The following PDLIM5 variants were observed in gnomAD, a reference collection of about 807,000 sequenced individuals.
PDLIM5 encodes PDZ and LIM domain 5.
PDLIM5 carries 34 observed loss-of-function variants against 64.2 expected under a neutral mutation model. That is an observed-to-expected ratio of 0.53 (90% CI 0.40 to 0.71). The LOEUF is 0.71. Ranked by LOEUF, PDLIM5 falls within the 30% of genes least tolerant of loss-of-function variation. The pLI, the probability that PDLIM5 is intolerant of heterozygous loss-of-function variation, is 0.00. For missense variants in PDLIM5, 683 were observed against 733.6 expected (o/e 0.93, Z 0.80); for synonymous variants, 253 against 269.1 (o/e 0.94, Z 0.59).
At chr4:94,550,158 G>A (rs1732686036) in intron 3 of PDLIM5, among the ~76,000 whole-genome samples, 1 of 151,910 alleles carries the variant, frequency 6.6e-6, no homozygotes, top group South Asian at 2.1e-4. Context: ...ATACATTTTT[G>A]TTGTTTGCTC....
At chr4:94,559,227 A>G (rs967949127) in intron 3 of PDLIM5, among the ~76,000 whole-genome samples, 2 of 152,212 alleles carry the variant, frequency 1.3e-5, no homozygotes, top group Non-Finnish European at 2.9e-5. Context: ...AACATAGGCT[A>G]CAGCAAGTAT....
intron 3 of PDLIM5, among the ~76,000 whole-genome samples, chr4:94,559,622 T>C (rs966923870): frequency 4.6e-5 from 7 of 152,186 alleles, no homozygotes; most frequent in Non-Finnish European, 1.0e-4. Flanking sequence ...GCCAAACTCT[T>C]AGATGTTGTG....
intron 11 of PDLIM5, among the ~76,000 whole-genome samples, chr4:94,661,684 C>T (rs918942334): frequency 6.6e-6 from 1 of 152,172 alleles, no homozygotes; most frequent in Non-Finnish European, 1.5e-5. Flanking sequence ...TTGACCAAGT[C>T]AGATACGCTA....
At chr4:94,525,157 G>A (rs1417522912) in intron 3 of PDLIM5, among the ~76,000 whole-genome samples, 5 of 152,062 alleles carry the variant, frequency 3.3e-5, no homozygotes, top group African/African-American at 4.8e-5. Context: ...TGTGGCTCAC[G>A]CCTGTAATCC....
Position 94,575,944 on chromosome 4 carries a change from C to T in PDLIM5, c.620C>T (p.Pro207Leu). Reference sequence around the variant, plus strand: ...ACTGCAGTTAATGTCCCACGGCAGCCCACAGTCACCAGCGTGTGTTCCGAG... The same window carrying T: ...ACTGCAGTTAATGTCCCACGGCAGCTCACAGTCACCAGCGTGTGTTCCGAG... ...GKTAVNVPRQ[P>L]TVTSVCSETS... is the part of the protein sequence containing the mutation. Residue 207 changes from proline to leucine, a missense_variant, in exon 5 of 13, where the codon CCC becomes CTC. Transcript: ENST00000317968. The T allele has an allele frequency of 6.2e-7, 1 of 1,614,084 alleles. No homozygotes were observed.
intron 7 of PDLIM5, chr4:94,610,355 T>G: frequency 8.0e-7 from 1 of 1,252,958 alleles, no homozygotes; most frequent in South Asian, 1.7e-5. Flanking sequence ...CGCTCTTCAC[T>G]GTCTTACAAG....
intron 3 of PDLIM5, among the ~76,000 whole-genome samples, chr4:94,535,499 A>C (rs1028418243): frequency 2.0e-5 from 3 of 152,048 alleles, no homozygotes; most frequent in Admixed American, 6.6e-5. Context: ...CGGCCCCACC[A>C]TTCACCCCAT....
At chr4:94,509,956 T>C (rs1233683997) in intron 2 of PDLIM5, among the ~76,000 whole-genome samples, 1 of 152,222 alleles carries the variant, frequency 6.6e-6, no homozygotes, top group East Asian at 1.9e-4. Context: ...CTTTGTATCC[T>C]TCAATCCAAT....
At chr4:94,470,345 T>C (rs1414498465) in intron 2 of PDLIM5, among the ~76,000 whole-genome samples, 1 of 152,202 alleles carries the variant, frequency 6.6e-6, no homozygotes, top group East Asian at 1.9e-4. Context: ...TGTTACGACC[T>C]TTTCTACTTT....
intron 8 of PDLIM5, among the ~76,000 whole-genome samples, chr4:94,637,290 G>A (rs1240651244): frequency 6.6e-6 from 1 of 152,194 alleles, no homozygotes; most frequent in African/African-American, 2.4e-5. Context: ...ATCAGGCGTG[G>A]TGGCTGATGC....
chr4:94,556,788 G>A (rs530137159), intron 3 of PDLIM5, among the ~76,000 whole-genome samples: 7 of 152,170 alleles, frequency 4.6e-5, no homozygotes, highest in African/African-American at 1.4e-4. Context: ...TGAGTTCTTT[G>A]TAGATTCTGG....
At chr4:94,599,083 T>G (rs1348694985) in intron 7 of PDLIM5, among the ~76,000 whole-genome samples, 1 of 152,148 alleles carries the variant, frequency 6.6e-6, no homozygotes, top group Non-Finnish European at 1.5e-5. Flanking sequence ...TTCAGATTAT[T>G]TTTCTAATTA....
chr4:94,557,502 G>A (rs1733455183), intron 3 of PDLIM5, among the ~76,000 whole-genome samples: 1 of 152,142 alleles, frequency 6.6e-6, no homozygotes, highest in Admixed American at 6.5e-5. Flanking sequence ...TGGGCAGTAT[G>A]GCCATTTTCA....
chr4:94,664,032 C>G lies in PDLIM5; in HGVS notation c.1756C>G (p.Leu586Val). ...QTFFSKKDKP[L>V]CKKHAHSVNF Reference sequence around the variant, plus strand: ...CTTTTTCTCCAAGAAGGACAAGCCCCTGTGTAAGAAACATGCTCATTCTGT... The same window carrying G: ...CTTTTTCTCCAAGAAGGACAAGCCCGTGTGTAAGAAACATGCTCATTCTGT... The change falls in exon 13 of 13, where the codon CTG becomes GTG. Residue 586 changes from leucine to valine, a missense_variant. Physicochemically the swap from Leu to Val is conservative, Grantham distance 32. Transcript: ENST00000317968. The G allele has an allele frequency of 6.2e-7, 1 of 1,607,954 alleles. No individual in the cohort carries two copies. The highest frequency in any genetic ancestry group is 1.1e-5 in the South Asian group (1 of 90,244).
intron 5 of PDLIM5, 51 bp from the exon 6 acceptor site, chr4:94,585,514 C>T: frequency 2.8e-6 from 3 of 1,074,960 alleles, no homozygotes; most frequent in South Asian, 4.4e-5. Context: ...ATATTTTATC[C>T]TTTTAATATA....
chr4:94,596,299 G>T (rs1737063442), intron 7 of PDLIM5, among the ~76,000 whole-genome samples: 2 of 152,128 alleles, frequency 1.3e-5, no homozygotes, highest in African/African-American at 4.8e-5. Flanking sequence ...AAAAGTCAGT[G>T]TTCGTAATAT....
chr4:94,473,787 T>G (rs1308694038), intron 2 of PDLIM5, among the ~76,000 whole-genome samples: 1 of 152,192 alleles, frequency 6.6e-6, no homozygotes, highest in East Asian at 1.9e-4. Flanking sequence ...TTAATAGTAT[T>G]TGAAGTTTTA....
intron 3 of PDLIM5, among the ~76,000 whole-genome samples, chr4:94,541,410 A>T (rs1290251043): frequency 6.6e-6 from 1 of 152,156 alleles, no homozygotes; most frequent in Non-Finnish European, 1.5e-5. Flanking sequence ...ACGGATGAAA[A>T]TTTTCTAAAA....
chr4:94,572,601 A>G (rs1431699926), intron 3 of PDLIM5, among the ~76,000 whole-genome samples: 1 of 152,216 alleles, frequency 6.6e-6, no homozygotes, highest in Non-Finnish European at 1.5e-5. Context: ...TAAAATGAAA[A>G]TTAATTTGAA....
Sources: gnomAD v4.1 joint callset for allele counts (sites outside exome capture counted in the v4.1 genomes callset) on GRCh38, gnomAD v4.1.1 for gene constraint, MANE v1.5 for transcripts, NCBI Gene and HGNC (gene_info 2026-07-23, HGNC 2026-07-21) for gene names.